The following RFX4 variants were observed in gnomAD, a reference collection of about 807,000 sequenced individuals.
RFX4 encodes regulatory factor X4.
RFX4 carries 10 observed loss-of-function variants against 95.0 expected under a neutral mutation model. That is an observed-to-expected ratio of 0.11 (90% CI 0.06 to 0.18). RFX4 has a LOEUF of 0.18. Ranked by LOEUF, RFX4 falls within the 10% of genes least tolerant of loss-of-function variation. The pLI, the probability that RFX4 is intolerant of heterozygous loss-of-function variation, is 1.00. For synonymous variants in RFX4, 321 were observed against 340.7 expected, an observed-to-expected ratio of 0.94 and a Z score of 0.64; for missense variants, 640 against 922.0, an observed-to-expected ratio of 0.69 and a Z score of 3.96.
At chr12:106,619,383 C>T (rs1027372846) in intron 2 of RFX4, among the ~76,000 whole-genome samples, 1 of 151,958 alleles carries the variant, frequency 6.6e-6, no homozygotes, top group African/African-American at 2.4e-5. Context: ...TTTTAATTTT[C>T]CTTTCAACAC....
At chr12:106,649,583 G>A (rs147058664) in intron 3 of RFX4, among the ~76,000 whole-genome samples, 4 of 152,198 alleles carry the variant, frequency 2.6e-5, no homozygotes, top group African/African-American at 9.6e-5. Flanking sequence ...TTGCTGCTAT[G>A]GGTTCATTTG....
chr12:106,635,659 G>C (rs558004620), intron 2 of RFX4, among the ~76,000 whole-genome samples: 3 of 152,140 alleles, frequency 2.0e-5, no homozygotes, highest in African/African-American at 7.2e-5. Flanking sequence ...TATTTGCTCA[G>C]TATTATAATT....
At chr12:106,628,769 T>TTTA in intron 2 of RFX4, among the ~76,000 whole-genome samples, 1 of 150,934 alleles carries the variant, frequency 6.6e-6, no homozygotes, top group Non-Finnish European at 1.5e-5. Context: ...TTCCTTTTTT[T>TTTA]TTTTTTTTTT....
At chr12:106,739,217 T>C (rs1182731593) in intron 15 of RFX4, among the ~76,000 whole-genome samples, 1 of 152,238 alleles carries the variant, frequency 6.6e-6, no homozygotes, top group African/African-American at 2.4e-5. Flanking sequence ...CTTATTAATA[T>C]GTGAAATTTT....
chr12:106,694,952 G>A (rs1427259343), intron 7 of RFX4, among the ~76,000 whole-genome samples: 5 of 152,050 alleles, frequency 3.3e-5, no homozygotes, highest in Admixed American at 1.3e-4. Context: ...CAGGAGAATC[G>A]CTTGAACCCA....
At chr12:106,646,307 C>T (rs1277048646) in intron 3 of RFX4, among the ~76,000 whole-genome samples, 1 of 151,860 alleles carries the variant, frequency 6.6e-6, no homozygotes, top group Non-Finnish European at 1.5e-5. Flanking sequence ...GCCAAAATCA[C>T]CTCAGCTACT....
At chr12:106,719,880 T>G (rs2042363734) in intron 11 of RFX4, 80 bp from the exon 12 acceptor site, 11 of 1,096,766 alleles carry the variant, frequency 1.0e-5, no homozygotes, top group Non-Finnish European at 1.2e-5. Context: ...TTCAAAGTTT[T>G]GTTCCTCTGT....
chr12:106,649,266 CA>C (rs2040815897), intron 3 of RFX4, among the ~76,000 whole-genome samples: 1 of 152,176 alleles, frequency 6.6e-6, no homozygotes, highest in Admixed American at 6.5e-5. Flanking sequence ...TTCCAATTAG[CA>C]ACTTTAGTAG....
intron 4 of RFX4, among the ~76,000 whole-genome samples, chr12:106,672,778 A>AG (rs2041311047): frequency 6.6e-6 from 1 of 151,666 alleles, no homozygotes; most frequent in South Asian, 2.1e-4. Context: ...AAAAAAAAAA[A>AG]AAGCCAAACC....
At chr12:106,704,811 A>ATGCATGTGTGTGTG (rs952711457) in intron 8 of RFX4, among the ~76,000 whole-genome samples, 1 of 151,930 alleles carries the variant, frequency 6.6e-6, no homozygotes, top group Non-Finnish European at 1.5e-5. Flanking sequence ...GTGTGTGTGT[A>ATGCATGTGTGTGTG]TGCATGTGTG....
At chr12:106,622,298 G>A (rs1303515425) in intron 2 of RFX4, among the ~76,000 whole-genome samples, 2 of 151,998 alleles carry the variant, frequency 1.3e-5, no homozygotes, top group Non-Finnish European at 2.9e-5. Flanking sequence ...AAATATCTGA[G>A]GAAAGAAAAG....
intron 1 of RFX4, among the ~76,000 whole-genome samples, chr12:106,605,311 A>T (rs1416062186): frequency 6.6e-6 from 1 of 152,232 alleles, no homozygotes; most frequent in East Asian, 1.9e-4. Context: ...TTTAAAGTAT[A>T]TAACATTGAC....
intron 4 of RFX4, among the ~76,000 whole-genome samples, chr12:106,673,240 G>A (rs913532471): frequency 1.3e-5 from 2 of 152,216 alleles, no homozygotes; most frequent in Non-Finnish European, 2.9e-5. Context: ...AGTCACTAGA[G>A]AGGCAGAGAG....
chr12:106,725,609 A>C (rs1416039238), intron 13 of RFX4, among the ~76,000 whole-genome samples: 1 of 152,200 alleles, frequency 6.6e-6, no homozygotes, highest in South Asian at 2.1e-4. Flanking sequence ...GATTTAATAA[A>C]TGTTTAGCAT....
intron 1 of RFX4, among the ~76,000 whole-genome samples, chr12:106,588,134 C>G: frequency 6.6e-6 from 1 of 152,140 alleles, no homozygotes; most frequent in South Asian, 2.1e-4. Context: ...TGAAATATGA[C>G]CCACTGCACA....
chr12:106,684,994 C>CA, intron 5 of RFX4: 1 of 1,586,146 alleles, frequency 6.3e-7, no homozygotes, highest in Non-Finnish European at 8.6e-7. Context: ...TCCCATAATT[C>CA]AAAATGCCTT....
intron 14 of RFX4, among the ~76,000 whole-genome samples, chr12:106,732,658 C>T (rs2042635302): frequency 6.6e-6 from 1 of 151,966 alleles, no homozygotes; most frequent in Non-Finnish European, 1.5e-5. Flanking sequence ...CGAGTGTGCG[C>T]CACTGCACTC....
chr12:106,751,098 C>T (rs1443067829), intron 17 of RFX4, among the ~76,000 whole-genome samples: 1 of 146,544 alleles, frequency 6.8e-6, no homozygotes, highest in Non-Finnish European at 1.5e-5. Context: ...CCCCCTACCC[C>T]ACAACAGTCC....
intron 4 of RFX4, among the ~76,000 whole-genome samples, chr12:106,675,737 G>C (rs2041380169): frequency 6.6e-6 from 1 of 152,172 alleles, no homozygotes; most frequent in Admixed American, 6.5e-5. Flanking sequence ...AGGATGAGTA[G>C]ACATTAGGCA....
Sources: gnomAD v4.1 joint callset for allele counts (sites outside exome capture counted in the v4.1 genomes callset) on GRCh38, gnomAD v4.1.1 for gene constraint, MANE v1.5 for transcripts, NCBI Gene and HGNC (gene_info 2026-07-23, HGNC 2026-07-21) for gene names.